The following ATRNL1 variants were observed in gnomAD, a reference collection of about 807,000 sequenced individuals.
ATRNL1 encodes attractin-like protein 1.
In ATRNL1, 95 loss-of-function variants were observed where a neutral mutation model predicts 182.7. The ratio of observed to expected loss-of-function variants is 0.52; its 90% CI spans 0.44 to 0.62. The LOEUF (loss-of-function observed/expected upper bound fraction) is 0.62, where lower values mean the gene tolerates loss of function less well. ATRNL1 is among the 20% of genes least tolerant of loss of function. ATRNL1 has a pLI of 0.00. For missense variants in ATRNL1, 1,471 were observed against 1,679.5 expected, an observed-to-expected ratio of 0.88 and a Z score of 2.17; for synonymous variants, 576 against 568.3, an observed-to-expected ratio of 1.01 and a Z score of -0.19.
intron 26 of ATRNL1, among the ~76,000 whole-genome samples, chr10:115,568,418 T>A (rs1308054826): frequency 6.6e-6 from 1 of 152,114 alleles, no homozygotes; most frequent in African/African-American, 2.4e-5. Context: ...CTATGTTCTT[T>A]TTGCTTTATT....
Position 115,642,664 on chromosome 10 carries a change from C to T in ATRNL1, c.3796-84584C>T, listed in dbSNP as rs550692201. ...TTCACCATATTGGCCAGGCTTGTCTCGAACTCCTGACCTCAGGTGATCCGC... is the reference window on the plus strand; with the variant it reads ...TTCACCATATTGGCCAGGCTTGTCTTGAACTCCTGACCTCAGGTGATCCGC... On this transcript the variant is annotated intron_variant, in intron 26 of 28. Transcript: ENST00000355044. 4.6e-5 allele frequency among the ~76,000 whole-genome samples: 7 copies of T among 152,224 alleles called. No individual in the cohort carries two copies. The South Asian group carries it at 8.3e-4, about 18-fold the overall frequency.
At chr10:115,534,098 G>C (rs528995132) in intron 25 of ATRNL1, among the ~76,000 whole-genome samples, 1 of 152,158 alleles carries the variant, frequency 6.6e-6, no homozygotes, top group African/African-American at 2.4e-5. Flanking sequence ...GGGATGGAGA[G>C]TTCTGTAGAT....
intron 20 of ATRNL1, among the ~76,000 whole-genome samples, chr10:115,424,470 A>G (rs1304327639): frequency 6.6e-6 from 1 of 152,208 alleles, no homozygotes; most frequent in Non-Finnish European, 1.5e-5. Context: ...TTTTGAAGAT[A>G]CATCTGTACT....
chr10:115,468,721 C>T (rs1296262939), intron 23 of ATRNL1, among the ~76,000 whole-genome samples: 1 of 150,584 alleles, frequency 6.6e-6, no homozygotes, highest in African/African-American at 2.4e-5. Flanking sequence ...TTGAGACACA[C>T]GAAAATATGG....
chr10:115,364,609 G>T (rs1451635130), intron 19 of ATRNL1, among the ~76,000 whole-genome samples: 1 of 149,722 alleles, frequency 6.7e-6, no homozygotes, highest in Non-Finnish European at 1.5e-5. Context: ...GTTTTCAAAG[G>T]GAATGCTTCC....
chr10:115,694,963 A>T (rs1187900276), intron 26 of ATRNL1, among the ~76,000 whole-genome samples: 3 of 149,064 alleles, frequency 2.0e-5, no homozygotes, highest in African/African-American at 5.0e-5. Context: ...ACACACACAG[A>T]GTATCTTCAT....
At chr10:115,631,394 T>A (rs1858499154) in intron 26 of ATRNL1, among the ~76,000 whole-genome samples, 1 of 152,056 alleles carries the variant, frequency 6.6e-6, no homozygotes, top group East Asian at 1.9e-4. Flanking sequence ...AAATGGTAGT[T>A]AAAAAGAGCC....
At position 115,268,375 on chromosome 10, in the gene ATRNL1, T is replaced by C; in HGVS notation, c.2031T>C (p.Thr677=). 4 of 1,613,822 alleles carry C rather than the reference T, an allele frequency of 2.5e-6. No homozygotes were observed. Among genetic ancestry groups the C allele is most frequent in the Non-Finnish European group, 3.4e-6 (4 of 1,179,830 alleles). ...CYRYADCASC[T]ANTNGCQWCD... is the part of the protein sequence containing the mutation. The stretch of plus-strand genomic sequence containing the variant: ...GATATGCAGATTGTGCCAGCTGTAC[T>C]GCCAATACAAATGGGTGCCAATGGT... Residue 677 remains threonine, a synonymous_variant, in exon 13 of 29, where the codon ACT becomes ACC. Transcript: ENST00000355044.
rs782755522 is a variant in ATRNL1, at chr10:115,171,188, C to G, written c.1244C>G (p.Ser415Ter). ...CAGCAGTATGCTGTGGAGGGACATT[C>G]AGCACATATTATGGAGTTGGATAGT... ...HGQQYAVEGH[S>*]AHIMELDSRD... The change falls in exon 8 of 29, where the codon TCA (serine) becomes TGA (stop). Residue 415 changes from serine (S) to a stop codon, truncating the protein, a stop_gained. Transcript: ENST00000355044. LOFTEE classifies it high-confidence loss of function. 6.2e-7 allele frequency: 1 copy of G among 1,611,356 alleles called. No individual in the cohort carries two copies. Among genetic ancestry groups the G allele is most frequent in the Non-Finnish European group, 8.5e-7 (1 of 1,178,232 alleles).
At chr10:115,558,521 T>G (rs1204579504) in intron 26 of ATRNL1, among the ~76,000 whole-genome samples, 1 of 152,178 alleles carries the variant, frequency 6.6e-6, no homozygotes, top group Admixed American at 6.5e-5. Flanking sequence ...GGGGGAGGGC[T>G]GTAGGGAGAG....
chr10:115,322,305 A>G (rs1854624396), intron 18 of ATRNL1, among the ~76,000 whole-genome samples: 1 of 151,790 alleles, frequency 6.6e-6, no homozygotes, highest in South Asian at 2.1e-4. Flanking sequence ...GGATAAGTAT[A>G]TAGTTATAGC....
At chr10:115,702,575 CA>C (rs1211153748) in intron 26 of ATRNL1, among the ~76,000 whole-genome samples, 3 of 151,788 alleles carry the variant, frequency 2.0e-5, no homozygotes, top group Non-Finnish European at 4.4e-5. Context: ...TGGAACTAAT[CA>C]ACAACTTCAG....
chr10:115,737,967 A>G (rs1555066457), intron 27 of ATRNL1, among the ~76,000 whole-genome samples: 1 of 151,742 alleles, frequency 6.6e-6, no homozygotes, highest in Non-Finnish European at 1.5e-5. Flanking sequence ...CCTCCACCAG[A>G]GTTTCTATAG....
Position 115,850,894 on chromosome 10 carries a change from C to T in ATRNL1, c.4018+2903C>T, listed in dbSNP as rs1555100319. ...AGTTGAGGAGGAGGTAGAGGTGGAG[C>T]TTTGTTGGCAGACTCCTGACCCCAA... On this transcript the variant is annotated intron_variant, in intron 28 of 28. Transcript: ENST00000355044. 3.9e-5 allele frequency among the ~76,000 whole-genome samples: 6 copies of T among 152,166 alleles called. No individual in the cohort carries two copies. In the East Asian group the frequency reaches 9.7e-4, roughly 25 times the overall value.
intron 27 of ATRNL1, among the ~76,000 whole-genome samples, chr10:115,785,044 TA>T (rs1183111846): frequency 6.6e-6 from 1 of 152,168 alleles, no homozygotes; most frequent in Non-Finnish European, 1.5e-5. Flanking sequence ...AATTCTCATC[TA>T]AAAATTCAAA....
At chr10:115,608,060 T>A (rs529477722) in intron 26 of ATRNL1, among the ~76,000 whole-genome samples, 2 of 152,082 alleles carry the variant, frequency 1.3e-5, no homozygotes, top group Non-Finnish European at 2.9e-5. Flanking sequence ...GTATATATGC[T>A]ATTGGTTTAG....
intron 26 of ATRNL1, among the ~76,000 whole-genome samples, chr10:115,672,816 C>A (rs2133932046): frequency 6.6e-6 from 1 of 152,104 alleles, no homozygotes; most frequent in East Asian, 1.9e-4. Context: ...AGAAAAAAGG[C>A]AAAAGAAATT....
At chr10:115,522,801 C>A (rs549086234) in intron 25 of ATRNL1, among the ~76,000 whole-genome samples, 1 of 152,254 alleles carries the variant, frequency 6.6e-6, no homozygotes, top group East Asian at 1.9e-4. Context: ...GAGTAAACAT[C>A]TCATTCCAAA....
At chr10:115,640,103 A>G (rs1859143200) in intron 26 of ATRNL1, among the ~76,000 whole-genome samples, 1 of 152,184 alleles carries the variant, frequency 6.6e-6, no homozygotes, top group Non-Finnish European at 1.5e-5. Flanking sequence ...TGCCAAGGAC[A>G]TGAACTCATT....
Sources: allele counts gnomAD v4.1 joint callset (sites outside exome capture counted in the v4.1 genomes callset), GRCh38; gene constraint gnomAD v4.1.1; transcripts MANE v1.5; gene names NCBI Gene and HGNC (gene_info 2026-07-23, HGNC 2026-07-21).